The following SMOX variants were observed in gnomAD, a reference collection of about 807,000 sequenced individuals.
The protein encoded by SMOX is flavin containing amine oxidase.
A neutral mutation model predicts 51.0 loss-of-function variants in SMOX; 22 were observed. That is an observed-to-expected ratio of 0.43 (90% CI 0.31 to 0.62). The LOEUF (loss-of-function observed/expected upper bound fraction) is 0.62. Ranked by LOEUF, SMOX falls within the 20% of genes least tolerant of loss-of-function variation. SMOX has a pLI of 0.10. For missense variants in SMOX, 566 were observed against 777.7 expected (o/e 0.73, Z 3.24); for synonymous variants, 282 against 307.8 (o/e 0.92, Z 0.88).
intron 1 of SMOX, among the ~76,000 whole-genome samples, chr20:4,171,243 TCTC>T (rs1978366512): frequency 6.6e-6 from 1 of 152,070 alleles, no homozygotes; most frequent in Non-Finnish European, 1.5e-5. Context: ...TTTAAGTGAT[TCTC>T]CTTCCTCAGT....
chr20:4,156,007 G>A (rs1351937370), intron 1 of SMOX, among the ~76,000 whole-genome samples: 1 of 152,202 alleles, frequency 6.6e-6, no homozygotes, highest in African/African-American at 2.4e-5. Context: ...CCTGGGCCAG[G>A]CCGTCCTGCG....
chr20:4,156,132 A>G (rs1294923204), intron 1 of SMOX, among the ~76,000 whole-genome samples: 2 of 152,230 alleles, frequency 1.3e-5, no homozygotes, highest in Non-Finnish European at 2.9e-5. Flanking sequence ...GAGATTCAGA[A>G]TACATTTAAG....
In SMOX at chr20:4,187,566, C is replaced by A; in HGVS notation, c.*159C>A. The A allele has an allele frequency of 3.6e-6, 4 of 1,104,474 alleles. No individual in the cohort carries two copies. The highest frequency in any genetic ancestry group is 5.0e-6 in the Non-Finnish European group (4 of 795,428). The allele number at this position is 1,104,474 out of a possible 1,614,324, so 68.4% of individuals were successfully genotyped here. A position where few individuals can be genotyped will look rare whatever the true frequency, so the allele number is the denominator to read the frequency against. ...CTTCAGACCTGGCCCTGTAGCTTTT[C>A]TTTTTCTCCAGGCTGGGCCGTGAGC... On this transcript the variant is annotated 3_prime_UTR_variant, in exon 7 of 7. Coordinates refer to ENST00000305958, the MANE Select transcript of SMOX (RefSeq NM_175839.3). The surrounding 1 kb of genome is among the most constrained non-coding windows in gnomAD (Gnocchi z 4.8).
Position 4,183,355 on chromosome 20 carries a change from T to C in SMOX, c.1370-139T>C. Reference sequence around the variant, plus strand: ...GCCCCAGCCTCCCTCCTTCCTCTTCTATCCTCCGTGCCTACCCCTGGCAGT... The same window carrying C: ...GCCCCAGCCTCCCTCCTTCCTCTTCCATCCTCCGTGCCTACCCCTGGCAGT... On this transcript the variant is annotated intron_variant, in intron 5 of 6. Coordinates refer to ENST00000305958, the MANE Select transcript of SMOX (RefSeq NM_175839.3). The surrounding 1 kb of genome is among the most constrained non-coding windows in gnomAD (Gnocchi z 4.3). 1 of 1,291,174 alleles carries C rather than the reference T, an allele frequency of 7.7e-7. No individual in the cohort carries two copies. Among genetic ancestry groups the C allele is most frequent in the Non-Finnish European group, 1.1e-6 (1 of 901,344 alleles). The allele number at this position is 1,291,174 out of a possible 1,614,324, so 80.0% of individuals were successfully genotyped here. A position where few individuals can be genotyped will look rare whatever the true frequency, so the allele number is the denominator to read the frequency against.
intron 3 of SMOX, among the ~76,000 whole-genome samples, chr20:4,180,787 C>G (rs1047701100): frequency 6.6e-6 from 1 of 152,178 alleles, no homozygotes; most frequent in African/African-American, 2.4e-5. Context: ...CCTCTCCACC[C>G]TGGCTGTCTC....
In SMOX at chr20:4,154,140, G is replaced by A. The variant is rs910092254; in HGVS notation, c.-27+5163G>A. ...GAGGAGGAGAAGTGGGTTGAAGCCA[G>A]GTTGGGAAAGGCCTTGGCTGCCAAG... On this transcript the variant is annotated intron_variant, in intron 1 of 6. Coordinates refer to ENST00000305958, the MANE Select transcript of SMOX (RefSeq NM_175839.3). 2.0e-5 allele frequency among the ~76,000 whole-genome samples: 3 copies of A among 152,208 alleles called. No homozygotes were observed. In the East Asian group the frequency reaches 5.8e-4, roughly 29 times the overall value.
At chr20:4,155,645 C>A (rs1160424379) in intron 1 of SMOX, among the ~76,000 whole-genome samples, 2 of 152,122 alleles carry the variant, frequency 1.3e-5, no homozygotes, top group African/African-American at 4.8e-5. Flanking sequence ...AACTCACATG[C>A]TAATGATGGG....
chr20:4,181,983 T>C lies in SMOX; in HGVS notation c.609+7T>C. The C allele has an allele frequency of 2.5e-6, 4 of 1,613,528 alleles. No homozygotes were observed. The highest frequency in any genetic ancestry group is 2.7e-5 in the African/African-American group (2 of 74,988). ...GATCCAGCAGTACCTGAAGGTATCT[T>C]GAGGAAGACGGATTCTGGGGGCGTC... On this transcript the variant is annotated splice_region_variant and intron_variant, in intron 4 of 6. Coordinates refer to ENST00000305958, the MANE Select transcript of SMOX (RefSeq NM_175839.3). This position sits in a 1 kb window ranked among gnomAD's most constrained non-coding sequence, Gnocchi z 5.6.
chr20:4,159,851 G>A (rs970087054), intron 1 of SMOX, among the ~76,000 whole-genome samples: 7 of 152,182 alleles, frequency 4.6e-5, no homozygotes, highest in Non-Finnish European at 8.8e-5. Context: ...TCCAGCCCTC[G>A]CGTGGGTGGG....
chr20:4,150,231 C>G (rs981135304), intron 1 of SMOX, among the ~76,000 whole-genome samples: 1 of 152,190 alleles, frequency 6.6e-6, no homozygotes, highest in Non-Finnish European at 1.5e-5. Flanking sequence ...CACAGCAAAA[C>G]TTCTCTGGAG....
intron 1 of SMOX, among the ~76,000 whole-genome samples, chr20:4,162,069 C>T (rs1412951220): frequency 6.6e-6 from 1 of 152,194 alleles, no homozygotes; most frequent in Admixed American, 6.5e-5. Flanking sequence ...GGCGGCAGGT[C>T]GTGTGCCTCC....
chr20:4,185,106 C>G (rs567707272), intron 6 of SMOX, among the ~76,000 whole-genome samples: 22 of 152,316 alleles, frequency 1.4e-4, no homozygotes, highest in African/African-American at 5.3e-4. Context: ...ATGACTGCAC[C>G]TAGCTGCTAC....
At chr20:4,174,962 A>G in intron 1 of SMOX, 68 bp from the exon 2 acceptor site, 1 of 1,475,196 alleles carries the variant, frequency 6.8e-7, no homozygotes, top group Non-Finnish European at 9.4e-7. Flanking sequence ...GAAAGCCCTG[A>G]GTGTCCCTTG....
Position 4,170,320 on chromosome 20 carries a change from G to A in SMOX, c.-26-4710G>A, listed in dbSNP as rs1220610806. ...TGGTCCTGTAATTTGCCCTCAATGA[G>A]GAAAGTGCCAGGAGTTGGGTGGTGC... On this transcript the variant is annotated intron_variant, in intron 1 of 6. Coordinates refer to ENST00000305958, the MANE Select transcript of SMOX (RefSeq NM_175839.3). The surrounding 1 kb of genome is among the most constrained non-coding windows in gnomAD (Gnocchi z 4.6). 2.0e-5 allele frequency among the ~76,000 whole-genome samples: 3 copies of A among 152,154 alleles called. No homozygotes were observed. Among genetic ancestry groups the A allele is most frequent in the African/African-American group, 7.2e-5 (3 of 41,414 alleles).
intron 1 of SMOX, among the ~76,000 whole-genome samples, chr20:4,168,579 C>T (rs1299107515): frequency 2.0e-5 from 3 of 146,990 alleles, no homozygotes; most frequent in African/African-American, 5.0e-5. Context: ...TTTTTTGAGA[C>T]GGAGTCTCGC....
rs1979788608 is a variant in SMOX at position 4,187,025 on chromosome 20, G to C, written c.1531-245G>C. On this transcript the variant is annotated intron_variant, in intron 6 of 6. Coordinates refer to ENST00000305958, the MANE Select transcript of SMOX (RefSeq NM_175839.3). This position sits in a 1 kb window ranked among gnomAD's most constrained non-coding sequence, Gnocchi z 4.8. ...CAAGTTGACAAGTAAGAGGCACAAAGAGCCTTTGAGACCACAGAGCCGGGA... is the reference window on the plus strand; with the variant it reads ...CAAGTTGACAAGTAAGAGGCACAAACAGCCTTTGAGACCACAGAGCCGGGA... 1.3e-5 allele frequency among the ~76,000 whole-genome samples: 2 copies of C among 152,216 alleles called. No homozygotes were observed. The highest frequency in any genetic ancestry group is 2.9e-5 in the Non-Finnish European group (2 of 68,048).
intron 1 of SMOX, among the ~76,000 whole-genome samples, chr20:4,158,379 C>T (rs1568731563): frequency 6.6e-6 from 1 of 152,068 alleles, no homozygotes; most frequent in Non-Finnish European, 1.5e-5. Context: ...TGTAGGAGCC[C>T]AGTGCTCTCT....
chr20:4,163,538 G>T (rs1386278832), intron 1 of SMOX, among the ~76,000 whole-genome samples: 1 of 152,214 alleles, frequency 6.6e-6, no homozygotes, highest in Non-Finnish European at 1.5e-5. Context: ...CTCCAAAACT[G>T]GTAGCTTAAA....
rs542544431 is a variant in SMOX at position 4,170,563 on chromosome 20, C to T, written c.-26-4467C>T. 6.6e-6 allele frequency among the ~76,000 whole-genome samples: 1 copy of T among 152,216 alleles called. No homozygotes were observed. The highest frequency in any genetic ancestry group is 1.9e-4 in the East Asian group (1 of 5,180). The stretch of plus-strand genomic sequence containing the variant: ...CTCACTGCAACTAGAGCGTAAATTT[C>T]TGAGGGTGTCAAAATGAAATTGGGG... On this transcript the variant is annotated intron_variant, in intron 1 of 6. Coordinates refer to ENST00000305958, the MANE Select transcript of SMOX (RefSeq NM_175839.3). The surrounding 1 kb of genome is among the most constrained non-coding windows in gnomAD (Gnocchi z 4.6).
Sources: allele counts gnomAD v4.1 joint callset (sites outside exome capture counted in the v4.1 genomes callset), GRCh38; gene constraint gnomAD v4.1.1; non-coding constraint Gnocchi (gnomAD v3.1); transcripts MANE v1.5; gene names NCBI Gene and HGNC (gene_info 2026-07-23, HGNC 2026-07-21).